Variants in EYA1 observed in about 807,000 individuals in gnomAD.
EYA1 encodes the protein protein phosphatase EYA1.
A neutral mutation model predicts 82.0 loss-of-function variants in EYA1; 16 were observed. The observed-to-expected ratio is 0.20, with a 90% CI of 0.13 to 0.30. EYA1 has a LOEUF of 0.30. Among genes scored for constraint, EYA1 ranks in the 10% least tolerant of loss-of-function variants. The pLI, the probability that EYA1 is intolerant of heterozygous loss-of-function variation, is 1.00. For synonymous variants in EYA1, 261 were observed against 264.4 expected (o/e 0.99, Z 0.12); for missense variants, 633 against 730.7 (o/e 0.87, Z 1.54).
intron 2 of EYA1, among the ~76,000 whole-genome samples, chr8:71,533,574 C>T (rs1252269624): frequency 2.0e-5 from 3 of 152,124 alleles, no homozygotes; most frequent in Non-Finnish European, 2.9e-5. Flanking sequence ...AGTACAGTAG[C>T]GCAACCACCT....
intron 2 of EYA1, among the ~76,000 whole-genome samples, chr8:71,397,216 C>T (rs1215882766): frequency 6.6e-6 from 1 of 152,166 alleles, no homozygotes; most frequent in East Asian, 1.9e-4. Flanking sequence ...GAATACAGCA[C>T]ACTGATGGGT....
At chr8:71,274,927 A>AGAGCGAGTGAACGAGAGC (rs766915824) in intron 9 of EYA1, among the ~76,000 whole-genome samples, 4 of 84,630 alleles carry the variant, frequency 4.7e-5, no homozygotes, top group African/African-American at 1.9e-4. Flanking sequence ...AGAGAGAATG[A>AGAGCGAGTGAACGAGAGC]GAGCGAGTGA....
chr8:71,397,507 T>G (rs1178996348), intron 2 of EYA1, among the ~76,000 whole-genome samples: 1 of 152,234 alleles, frequency 6.6e-6, no homozygotes, highest in African/African-American at 2.4e-5. Flanking sequence ...CTCTCAGCAC[T>G]TATTTGTCTG....
At chr8:71,394,525 C>T (rs1161945105) in intron 2 of EYA1, among the ~76,000 whole-genome samples, 3 of 152,106 alleles carry the variant, frequency 2.0e-5, no homozygotes, top group Non-Finnish European at 4.4e-5. Context: ...GCCAGTTTTC[C>T]CAGCACCATT....
Position 71,220,290 on chromosome 8 carries a change from A to C in EYA1, c.1141-3267T>G, listed in dbSNP as rs142862935. 2.0e-4 allele frequency among the ~76,000 whole-genome samples: 31 copies of C among 152,322 alleles called. 2 individuals are homozygous for C. The highest frequency in any genetic ancestry group is 7.2e-4 in the African/African-American group (30 of 41,574). ...ACCAAAATTATGTGATAGACTTTTAAGGTGATGAAATCATTATTGAATCCA... is the reference window on the plus strand; with the variant it reads ...ACCAAAATTATGTGATAGACTTTTACGGTGATGAAATCATTATTGAATCCA... On this transcript the variant is annotated intron_variant, in intron 12 of 17. Coordinates refer to ENST00000340726, the MANE Select transcript of EYA1 (RefSeq NM_000503.6).
intron 3 of EYA1, among the ~76,000 whole-genome samples, chr8:71,337,694 C>T (rs893614160): frequency 2.0e-5 from 3 of 152,200 alleles, no homozygotes; most frequent in Admixed American, 1.3e-4. Flanking sequence ...TAAAAATGTA[C>T]ATAAAGTACC....
At chr8:71,496,206 C>T (rs887147103) in intron 2 of EYA1, among the ~76,000 whole-genome samples, 1 of 152,138 alleles carries the variant, frequency 6.6e-6, no homozygotes, top group African/African-American at 2.4e-5. Flanking sequence ...TAAAACTCAA[C>T]ACCTGCTGCC....
chr8:71,457,256 A>G (rs1808010283), intron 2 of EYA1, among the ~76,000 whole-genome samples: 1 of 152,194 alleles, frequency 6.6e-6, no homozygotes, highest in Non-Finnish European at 1.5e-5. Context: ...AAAAGTCAGG[A>G]AACAACAGAT....
At chr8:71,547,043 G>A (rs1815677693) in intron 1 of EYA1, among the ~76,000 whole-genome samples, 1 of 121,342 alleles carries the variant, frequency 8.2e-6, no homozygotes, top group African/African-American at 3.1e-5. Context: ...CATAAAAGCA[G>A]AGATCTTGTT....
intron 2 of EYA1, among the ~76,000 whole-genome samples, chr8:71,459,269 T>C (rs1808192989): frequency 6.6e-6 from 1 of 152,230 alleles, no homozygotes. Flanking sequence ...GCCAAACTTT[T>C]ATTTGCGGTT....
intron 11 of EYA1, among the ~76,000 whole-genome samples, chr8:71,258,340 C>T (rs1258815108): frequency 1.3e-5 from 2 of 152,192 alleles, no homozygotes; most frequent in Non-Finnish European, 2.9e-5. Context: ...GTTCTGGGTA[C>T]TGGAGTCCAT....
intron 3 of EYA1, among the ~76,000 whole-genome samples, chr8:71,345,253 G>A (rs1405121663): frequency 6.6e-6 from 1 of 152,186 alleles, no homozygotes; most frequent in African/African-American, 2.4e-5. Context: ...AGAAGGCAGA[G>A]GCTCAGAAAT....
intron 9 of EYA1, among the ~76,000 whole-genome samples, chr8:71,277,127 T>G (rs1563383257): frequency 7.3e-6 from 1 of 136,450 alleles, no homozygotes; most frequent in East Asian, 2.1e-4. Context: ...TTTTTTTTTT[T>G]TTTTTTTTTT....
At chr8:71,522,778 GT>G (rs1813499256) in intron 2 of EYA1, among the ~76,000 whole-genome samples, 1 of 151,858 alleles carries the variant, frequency 6.6e-6, no homozygotes, top group Admixed American at 6.6e-5. Flanking sequence ...CCTGGCTAAT[GT>G]TTTTATTTTT....
chr8:71,411,869 C>T (rs1191482988), intron 2 of EYA1, among the ~76,000 whole-genome samples: 6 of 148,908 alleles, frequency 4.0e-5, no homozygotes, highest in Non-Finnish European at 5.9e-5. Context: ...CCCAGCCATC[C>T]CATTACTGGG....
At chr8:71,440,443 T>G (rs531630550) in intron 2 of EYA1, among the ~76,000 whole-genome samples, 2 of 152,070 alleles carry the variant, frequency 1.3e-5, no homozygotes, top group Non-Finnish European at 2.9e-5. Context: ...TAGGAGGAAG[T>G]CTTTATATGA....
intron 4 of EYA1, among the ~76,000 whole-genome samples, chr8:71,332,849 C>T (rs190819667): frequency 1.1e-4 from 16 of 152,286 alleles, no homozygotes; most frequent in African/African-American, 2.2e-4. Flanking sequence ...CAAAGATCCA[C>T]GCCCTCTGTG....
chr8:71,346,167 C>T (rs1384666423), intron 3 of EYA1, among the ~76,000 whole-genome samples: 2 of 151,994 alleles, frequency 1.3e-5, no homozygotes, highest in Non-Finnish European at 2.9e-5. Context: ...AGCATGCGTC[C>T]CCACAATCCA....
chr8:71,354,567 T>C (rs1826654471), intron 3 of EYA1, among the ~76,000 whole-genome samples: 2 of 152,200 alleles, frequency 1.3e-5, no homozygotes, highest in South Asian at 4.1e-4. Context: ...TATATGCATT[T>C]GGTGAAACGA....
Sources: gnomAD v4.1 joint callset for allele counts (sites outside exome capture counted in the v4.1 genomes callset) on GRCh38, gnomAD v4.1.1 for gene constraint, MANE v1.5 for transcripts, NCBI Gene and HGNC (gene_info 2026-07-23, HGNC 2026-07-21) for gene names.